Variants in TSHZ2 observed in about 807,000 individuals in gnomAD.
TSHZ2 encodes teashirt zinc finger homeobox 2, also known as teashirt homolog 2.
TSHZ2 carries 21 observed loss-of-function variants against 74.4 expected under a neutral mutation model. That is an observed-to-expected ratio of 0.28 (90% CI 0.20 to 0.41). The LOEUF is 0.41. Among genes scored for constraint, TSHZ2 ranks in the 10% least tolerant of loss-of-function variants. The pLI, the probability that TSHZ2 is intolerant of heterozygous loss-of-function variation, is 1.00. For synonymous variants in TSHZ2, 540 were observed against 515.3 expected, an observed-to-expected ratio of 1.05 and a Z score of -0.65; for missense variants, 1,244 against 1,293.5, an observed-to-expected ratio of 0.96 and a Z score of 0.59.
intron 1 of TSHZ2, among the ~76,000 whole-genome samples, chr20:53,103,436 T>C (rs1986273992): frequency 6.6e-6 from 1 of 152,204 alleles, no homozygotes; most frequent in Non-Finnish European, 1.5e-5. Context: ...TATGTGTGCA[T>C]TGATTGCTTT....
intron 2 of TSHZ2, among the ~76,000 whole-genome samples, chr20:53,402,904 T>C (rs1982718670): frequency 6.6e-6 from 1 of 152,200 alleles, no homozygotes; most frequent in East Asian, 1.9e-4. Flanking sequence ...CACCACACTG[T>C]TCAGCTCCCA....
chr20:53,352,027 T>A (rs1980663354), intron 2 of TSHZ2, among the ~76,000 whole-genome samples: 2 of 152,122 alleles, frequency 1.3e-5, no homozygotes, highest in Non-Finnish European at 2.9e-5. Flanking sequence ...AAAAGATAAC[T>A]ATTATTACTT....
At chr20:53,424,970 G>A (rs1241022141) in intron 2 of TSHZ2, among the ~76,000 whole-genome samples, 3 of 152,288 alleles carry the variant, frequency 2.0e-5, no homozygotes, top group Middle Eastern at 3.4e-3. Flanking sequence ...TATCATTGAT[G>A]GGCATTTGGG....
At chr20:53,157,085 T>C (rs1433948528) in intron 1 of TSHZ2, among the ~76,000 whole-genome samples, 2 of 152,206 alleles carry the variant, frequency 1.3e-5, no homozygotes, top group African/African-American at 4.8e-5. Flanking sequence ...AGTCCTGCTT[T>C]CGTATCTGCC....
At position 53,340,177 on chromosome 20, in the gene TSHZ2, C is replaced by CTTTTTTTTTTTTTTTTTTTTTTTTT; in HGVS notation, c.*8+83612_*8+83613insTTTTTTTTTTTTTTTTTTTTTTTTT. Among the ~76,000 whole-genome samples, 3 of 94,080 alleles carry CTTTTTTTTTTTTTTTTTTTTTTTTT rather than the reference C, an allele frequency of 3.2e-5. 1 individual carries two copies. Among genetic ancestry groups the CTTTTTTTTTTTTTTTTTTTTTTTTT allele is most frequent in the Non-Finnish European group, 5.9e-5 (3 of 50,642 alleles). The allele number at this position is 94,080 out of a possible 152,430, so 61.7% of individuals were successfully genotyped here. On this transcript the variant is annotated intron_variant, in intron 2 of 2. Coordinates refer to ENST00000371497, the MANE Select transcript of TSHZ2 (RefSeq NM_173485.6). The stretch of plus-strand genomic sequence containing the variant: ...GGATAAAACAAGGTGACTTTTCTTT[C>CTTTTTTTTTTTTTTTTTTTTTTTTT]TTTTTTCTTTTTTTTTTTTTTTTGA...
intron 1 of TSHZ2, among the ~76,000 whole-genome samples, chr20:53,058,596 G>A (rs182307998): frequency 4.2e-4 from 64 of 152,328 alleles, no homozygotes; most frequent in African/African-American, 1.5e-3. Context: ...TAAAAGTGGG[G>A]CCAGTGTCAT....
At chr20:53,041,206 G>A (rs1043966945) in intron 1 of TSHZ2, among the ~76,000 whole-genome samples, 7 of 152,102 alleles carry the variant, frequency 4.6e-5, no homozygotes, top group Middle Eastern at 3.4e-3. Flanking sequence ...CCAAAAGGCC[G>A]GGGAGGCCTT....
At chr20:53,026,848 C>T (rs1983463168) in intron 1 of TSHZ2, among the ~76,000 whole-genome samples, 1 of 152,052 alleles carries the variant, frequency 6.6e-6, no homozygotes, top group African/African-American at 2.4e-5. Flanking sequence ...ATAATAAAAT[C>T]AATTTCAGGC....
At chr20:53,237,497 CTGTG>C (rs1989966746) in intron 1 of TSHZ2, among the ~76,000 whole-genome samples, 1 of 126,318 alleles carries the variant, frequency 7.9e-6, no homozygotes, top group African/African-American at 3.7e-5. Context: ...CTCTCTTTCT[CTGTG>C]TGAGTGTGTG....
At chr20:53,003,257 TGTGTGTG>T (rs1568714469) in intron 1 of TSHZ2, among the ~76,000 whole-genome samples, 2 of 61,912 alleles carry the variant, frequency 3.2e-5, no homozygotes, top group Non-Finnish European at 9.0e-5. Context: ...CCAGGGATGG[TGTGTGTG>T]TGTGTGTGTG....
At chr20:53,034,077 T>A (rs1024891280) in intron 1 of TSHZ2, among the ~76,000 whole-genome samples, 1 of 152,148 alleles carries the variant, frequency 6.6e-6, no homozygotes, top group South Asian at 2.1e-4. Context: ...CTCGAATGAA[T>A]CAATGAGTAA....
chr20:53,327,040 T>C (rs1166593076), intron 2 of TSHZ2, among the ~76,000 whole-genome samples: 1 of 152,212 alleles, frequency 6.6e-6, no homozygotes, highest in African/African-American at 2.4e-5. Flanking sequence ...CATGCAGCAC[T>C]GTGCATGCAG....
chr20:53,015,665 T>C (rs1013963376), intron 1 of TSHZ2, among the ~76,000 whole-genome samples: 2 of 152,132 alleles, frequency 1.3e-5, no homozygotes, highest in African/African-American at 2.4e-5. Flanking sequence ...TATAGGAGGG[T>C]AATGTGACTT....
intron 2 of TSHZ2, among the ~76,000 whole-genome samples, chr20:53,324,070 C>T (rs1264179903): frequency 3.3e-5 from 5 of 152,146 alleles, no homozygotes; most frequent in Non-Finnish European, 7.3e-5. Flanking sequence ...CACTAACATG[C>T]GACGGCCATC....
intron 2 of TSHZ2, among the ~76,000 whole-genome samples, chr20:53,485,870 C>T (rs1252422793): frequency 6.6e-6 from 1 of 152,108 alleles, no homozygotes; most frequent in Non-Finnish European, 1.5e-5. Context: ...ATATGTATTT[C>T]TAATTGCAGT....
chr20:53,021,241 T>C (rs1371481711), intron 1 of TSHZ2, among the ~76,000 whole-genome samples: 1 of 152,186 alleles, frequency 6.6e-6, no homozygotes, highest in Non-Finnish European at 1.5e-5. Flanking sequence ...TGGATTTTTT[T>C]CTGGGGGGAA....
At chr20:53,286,313 T>C (rs1991165191) in intron 2 of TSHZ2, among the ~76,000 whole-genome samples, 1 of 152,228 alleles carries the variant, frequency 6.6e-6, no homozygotes, top group Non-Finnish European at 1.5e-5. Flanking sequence ...CACAAGACTT[T>C]ACAGTTAGAG....
intron 2 of TSHZ2, among the ~76,000 whole-genome samples, chr20:53,478,643 C>T (rs1986056599): frequency 6.7e-6 from 1 of 149,928 alleles, no homozygotes; most frequent in African/African-American, 2.5e-5. Flanking sequence ...GCACATGTAC[C>T]CTAAAACTTT....
chr20:53,466,330 G>T (rs1222135842), intron 2 of TSHZ2, among the ~76,000 whole-genome samples: 3 of 151,954 alleles, frequency 2.0e-5, no homozygotes, highest in African/African-American at 7.2e-5. Context: ...TACTTGGAGG[G>T]CATACCGTTC....
Sources: allele counts gnomAD v4.1 joint callset (sites outside exome capture counted in the v4.1 genomes callset), GRCh38; gene constraint gnomAD v4.1.1; transcripts MANE v1.5; gene names NCBI Gene and HGNC (gene_info 2026-07-23, HGNC 2026-07-21).